The following CDC42EP3 variants were observed in gnomAD, a reference collection of about 807,000 sequenced individuals.
CDC42EP3 encodes CDC42 effector protein 3.
In CDC42EP3, 4 loss-of-function variants were observed where a neutral mutation model predicts 15.5. The ratio of observed to expected loss-of-function variants is 0.26; its 90% CI spans 0.13 to 0.59. CDC42EP3 has a LOEUF of 0.59. Among genes scored for constraint, CDC42EP3 ranks in the 20% least tolerant of loss-of-function variants. The pLI, the probability that CDC42EP3 is intolerant of heterozygous loss-of-function variation, is 0.89. For synonymous variants in CDC42EP3, 145 were observed against 130.3 expected (o/e 1.11, Z -0.77); for missense variants, 309 against 311.2 (o/e 0.99, Z 0.05).
chr2:37,667,541 T>C (rs2124638746), intron 1 of CDC42EP3, among the ~76,000 whole-genome samples: 1 of 152,328 alleles, frequency 6.6e-6, no homozygotes, highest in Middle Eastern at 3.4e-3. Context: ...TCCCACATTT[T>C]CACCTAGTAA....
intron 1 of CDC42EP3, among the ~76,000 whole-genome samples, chr2:37,655,460 A>C (rs1414032825): frequency 6.6e-6 from 1 of 152,180 alleles, no homozygotes; most frequent in Non-Finnish European, 1.5e-5. Flanking sequence ...CTCACATAGC[A>C]CCAAGTCTGC....
upstream of CDC42EP3, among the ~76,000 whole-genome samples, chr2:37,672,900 G>A (rs184715263): frequency 4.6e-3 from 701 of 152,298 alleles, 6 homozygotes; most frequent in African/African-American, 0.016. Flanking sequence ...AACCTTAGAG[G>A]GTGCGCCTTA....
chr2:37,660,655 T>G (rs7568641), intron 1 of CDC42EP3, among the ~76,000 whole-genome samples: 93,069 of 152,028 alleles, frequency 0.61, 29,641 homozygotes, highest in African/African-American at 0.79. Flanking sequence ...TCCATTTAAA[T>G]TTCATTTTAA....
At chr2:37,647,730 T>C (rs367902733) in intron 1 of CDC42EP3, 1 of 152,224 alleles carries the variant, frequency 6.6e-6, no homozygotes, top group Non-Finnish European at 1.5e-5. Flanking sequence ...GCAAAGGCAA[T>C]AGGTCCCTGA....
At chr2:37,652,125 A>C (rs904511444) in intron 1 of CDC42EP3, among the ~76,000 whole-genome samples, 20 of 138,270 alleles carry the variant, frequency 1.4e-4, no homozygotes, top group African/African-American at 5.2e-4. Context: ...CAGTGAGCCA[A>C]GATCGTGCCA....
chr2:37,655,083 A>G (rs1295913045), intron 1 of CDC42EP3, among the ~76,000 whole-genome samples: 2 of 152,218 alleles, frequency 1.3e-5, no homozygotes, highest in Non-Finnish European at 2.9e-5. Context: ...TTCTATTTTT[A>G]GATTCTTACC....
Position 37,651,500 on chromosome 2 carries a change from T to G in CDC42EP3, c.-235-4678A>C, listed in dbSNP as rs571158175. On this transcript the variant is annotated intron_variant, in intron 1 of 1. Transcript: ENST00000295324. The stretch of plus-strand genomic sequence containing the variant: ...AAGCAGCATCTGCAATGGCAGTGTG[T>G]GGGTATATGAAGACTTCACAAAAGG... Among the ~76,000 whole-genome samples, 100 of 152,238 alleles carry G rather than the reference T, an allele frequency of 6.6e-4. 1 individual carries two copies. Among genetic ancestry groups the G allele is most frequent in the South Asian group, 2.3e-3 (11 of 4,826 alleles).
At chr2:37,663,642 GA>G (rs1476713520) in intron 1 of CDC42EP3, among the ~76,000 whole-genome samples, 1 of 152,230 alleles carries the variant, frequency 6.6e-6, no homozygotes, top group Non-Finnish European at 1.5e-5. Flanking sequence ...CCTTGCATTT[GA>G]ATGTTCTGTA....
chr2:37,662,651 C>A (rs1010488481), intron 1 of CDC42EP3, among the ~76,000 whole-genome samples: 1 of 152,216 alleles, frequency 6.6e-6, no homozygotes, highest in African/African-American at 2.4e-5. Flanking sequence ...TAAAGCACCA[C>A]CATCCCAGGG....
chr2:37,656,224 C>G (rs1665840970), intron 1 of CDC42EP3, among the ~76,000 whole-genome samples: 1 of 152,250 alleles, frequency 6.6e-6, no homozygotes, highest in Non-Finnish European at 1.5e-5. Flanking sequence ...TCTCAATCTA[C>G]TTCCACTACC....
At chr2:37,647,665 G>GTGTT (rs1558336726) in intron 1 of CDC42EP3, 1 of 152,538 alleles carries the variant, frequency 6.6e-6, no homozygotes, top group East Asian at 1.9e-4. Context: ...CTGCCTCCTG[G>GTGTT]TGTTAATGCC....
chr2:37,647,754 TAGG>T (rs2124611047), intron 1 of CDC42EP3: 1 of 152,398 alleles, frequency 6.6e-6, no homozygotes, highest in Non-Finnish European at 1.5e-5. Context: ...GGTTACATTA[TAGG>T]AGATTTCATC....
At chr2:37,662,188 G>T (rs1035877521) in intron 1 of CDC42EP3, among the ~76,000 whole-genome samples, 9 of 152,102 alleles carry the variant, frequency 5.9e-5, no homozygotes, top group Non-Finnish European at 1.0e-4. Context: ...ATCCTTCCTG[G>T]TATTAAATTA....
At position 37,645,723 on chromosome 2, in the gene CDC42EP3, C is replaced by T. The variant is rs1164718254; in HGVS notation, c.*100G>A. On this transcript the variant is annotated 3_prime_UTR_variant, in exon 2 of 2. Transcript: ENST00000295324. ...TGTAAGAATATTATTTTAGAAAACC[C>T]AACACAAAACTGCAAATACAGCTCC... 1 of 916,160 alleles carries T rather than the reference C, an allele frequency of 1.1e-6. No homozygotes were observed. Among genetic ancestry groups the T allele is most frequent in the Non-Finnish European group, 1.6e-6 (1 of 627,696 alleles). The allele number at this position is 916,160 out of a possible 1,614,324, so 56.8% of individuals were successfully genotyped here.
rs1344888307 is a variant in CDC42EP3, at chr2:37,644,500, C to A, written c.*1323G>T. 6.6e-6 allele frequency: 1 copy of A among 151,874 alleles called. No individual in the cohort carries two copies. The highest frequency in any genetic ancestry group is 2.4e-5 in the African/African-American group (1 of 41,334). 9.4% of individuals were successfully genotyped at this position (151,874 alleles called of 1,614,324 possible). A position where few individuals can be genotyped will look rare whatever the true frequency, so the allele number is the denominator to read the frequency against. Reference sequence around the variant, plus strand: ...CTTTATCTCGTCTATATGGCACTTTCTGCGTGAAAAGACATTTGCCTTACA... The same window carrying A: ...CTTTATCTCGTCTATATGGCACTTTATGCGTGAAAAGACATTTGCCTTACA... On this transcript the variant is annotated 3_prime_UTR_variant, in exon 2 of 2. Transcript: ENST00000295324.
intron 1 of CDC42EP3, among the ~76,000 whole-genome samples, chr2:37,663,075 G>A (rs1666123056): frequency 6.6e-6 from 1 of 152,256 alleles, no homozygotes; most frequent in Non-Finnish European, 1.5e-5. Context: ...TGAGGCAGGA[G>A]AATCTCTTGA....
intron 1 of CDC42EP3, among the ~76,000 whole-genome samples, chr2:37,654,769 C>T (rs970984493): frequency 3.3e-5 from 5 of 152,184 alleles, no homozygotes; most frequent in Non-Finnish European, 5.9e-5. Flanking sequence ...TCTTTGAACA[C>T]GGCAGTCTTC....
At chr2:37,668,233 G>A (rs1666303575) in intron 1 of CDC42EP3, among the ~76,000 whole-genome samples, 1 of 152,060 alleles carries the variant, frequency 6.6e-6, no homozygotes, top group Admixed American at 6.6e-5. Flanking sequence ...AGAAAACCAC[G>A]GGTAATTGGG....
At chr2:37,648,660 G>A (rs942723118) in intron 1 of CDC42EP3, among the ~76,000 whole-genome samples, 5 of 152,256 alleles carry the variant, frequency 3.3e-5, no homozygotes, top group Non-Finnish European at 5.9e-5. Flanking sequence ...CCATGGGGCT[G>A]CCAGCAATGA....
Sources: gnomAD v4.1 joint callset for allele counts (sites outside exome capture counted in the v4.1 genomes callset) on GRCh38, gnomAD v4.1.1 for gene constraint, MANE v1.5 for transcripts, NCBI Gene and HGNC (gene_info 2026-07-23, HGNC 2026-07-21) for gene names.